The following LCOR variants were observed in gnomAD, a reference collection of about 807,000 sequenced individuals.
The protein encoded by LCOR is ligand-dependent corepressor.
LCOR carries 14 observed loss-of-function variants against 64.4 expected under a neutral mutation model. That is an observed-to-expected ratio of 0.22 (90% CI 0.14 to 0.34). The LOEUF (loss-of-function observed/expected upper bound fraction) is 0.34, where lower values mean the gene tolerates loss of function less well. LCOR is among the 10% of genes least tolerant of loss of function. The pLI is 1.00. For missense variants in LCOR, 1,686 were observed against 1,765.3 expected (o/e 0.96, Z 0.80); for synonymous variants, 643 against 642.5 (o/e 1.00, Z -0.01).
At chr10:96,941,230 G>A (rs1564632660) in intron 4 of LCOR, among the ~76,000 whole-genome samples, 18 of 138,726 alleles carry the variant, frequency 1.3e-4, no homozygotes, top group Non-Finnish European at 1.6e-5. Context: ...GGCTGGCCGG[G>A]CGGGGGGCTG....
chr10:96,955,947 G>T (rs532863252), intron 7 of LCOR: 1 of 1,593,328 alleles, frequency 6.3e-7, no homozygotes, highest in South Asian at 1.1e-5. Context: ...GCCAATTACT[G>T]TACAAACTGG....
At chr10:96,878,044 A>G (rs1846199956) in intron 2 of LCOR, among the ~76,000 whole-genome samples, 2 of 152,286 alleles carry the variant, frequency 1.3e-5, no homozygotes, top group African/African-American at 2.4e-5. Flanking sequence ...AGAGAGTACT[A>G]TTTTGCATCC....
In LCOR at chr10:96,880,992, A is replaced by C. The variant is rs563878587; in HGVS notation, c.-329-26273A>C. ...TTACATACAATGGATGTCTTAGTGC[A>C]TTTGAACTTAATTCTCTCAGACAGC... On this transcript the variant is annotated intron_variant, in intron 2 of 7. Transcript: ENST00000421806. Among the ~76,000 whole-genome samples, 3 of 152,364 alleles carry C rather than the reference A, an allele frequency of 2.0e-5. No homozygotes were observed. The South Asian group carries it at 6.2e-4, about 32-fold the overall frequency.
chr10:96,958,906 T>TAAAAAAAAAAAAAAAAAAAAAAAAAAAA (rs74784568), intron 7 of LCOR: 2 of 103,890 alleles, frequency 1.9e-5, no homozygotes, highest in Non-Finnish European at 2.2e-5. Context: ...AAGAAAAACT[T>TAAAAAAAAAAAAAAAAAAAAAAAAAAAA]AAAAAAAAAA....
chr10:96,907,802 C>A, intron 4 of LCOR, 55 bp downstream of exon 4: 3 of 522,138 alleles, frequency 5.7e-6, no homozygotes, highest in Non-Finnish European at 4.9e-6. Context: ...AAGTTTTCAT[C>A]TTTTAAAACA....
intron 4 of LCOR, among the ~76,000 whole-genome samples, chr10:96,921,523 A>G (rs980694617): frequency 6.6e-6 from 1 of 152,142 alleles, no homozygotes; most frequent in African/African-American, 2.4e-5. Flanking sequence ...GTACAGTGGC[A>G]CAATCTTGGC....
intron 4 of LCOR, among the ~76,000 whole-genome samples, chr10:96,909,874 CTG>C (rs141303312): frequency 1.6e-4 from 24 of 150,788 alleles, no homozygotes; most frequent in South Asian, 4.2e-4. Flanking sequence ...ATTTTAAACT[CTG>C]TGTGTGTGTG....
chr10:96,989,695 A>ATATATTTTT lies in LCOR; in HGVS notation c.*4562_*4563insATATTTTTT, dbSNP rs1371771053. On this transcript the variant is annotated 3_prime_UTR_variant, in exon 8 of 8. Transcript: ENST00000421806. ...TAAGGATATATATATATATATATAT[A>ATATATTTTT]TTTTTTTTTTTTTTTTTTTTTTTTA... The ATATATTTTT allele has an allele frequency of 2.3e-5, 2 of 86,188 alleles. No individual in the cohort carries two copies. The highest frequency in any genetic ancestry group is 1.2e-4 in the African/African-American group (2 of 16,156). The allele number at this position is 86,188 out of a possible 1,614,324, so 5.3% of individuals were successfully genotyped here.
At chr10:96,950,075 T>A (rs866698313) in intron 6 of LCOR, among the ~76,000 whole-genome samples, 3 of 152,202 alleles carry the variant, frequency 2.0e-5, no homozygotes, top group African/African-American at 7.2e-5. Context: ...CAGCCACTGT[T>A]TGAACCACTA....
rs1386409876 is a variant in LCOR at position 96,990,481 on chromosome 10, A to G, written c.*5347A>G. ...TTTGAGGCAGCCTTCAATATAATTC[A>G]TCCTTTGAAACATCAGAACAGAGTC... On this transcript the variant is annotated 3_prime_UTR_variant, in exon 8 of 8. Transcript: ENST00000421806. 6.6e-6 allele frequency: 1 copy of G among 151,930 alleles called. No homozygotes were observed. Among genetic ancestry groups the G allele is most frequent in the Non-Finnish European group, 1.5e-5 (1 of 68,004 alleles). The allele number at this position is 151,930 out of a possible 1,614,324, so 9.4% of individuals were successfully genotyped here. A position where few individuals can be genotyped will look rare whatever the true frequency, so the allele number is the denominator to read the frequency against.
chr10:96,922,058 T>C (rs1847090475), intron 4 of LCOR, among the ~76,000 whole-genome samples: 1 of 152,206 alleles, frequency 6.6e-6, no homozygotes, highest in Non-Finnish European at 1.5e-5. Flanking sequence ...TGGGATCTCT[T>C]GAAACTTCAG....
intron 2 of LCOR, among the ~76,000 whole-genome samples, chr10:96,898,671 T>TTGCA: frequency 6.6e-6 from 1 of 152,328 alleles, no homozygotes; most frequent in Non-Finnish European, 1.5e-5. Flanking sequence ...ATATTGGCCT[T>TTGCA]TGCAGTTTGG....
At chr10:96,919,878 TTTG>T (rs1168885829) in intron 4 of LCOR, among the ~76,000 whole-genome samples, 1 of 152,198 alleles carries the variant, frequency 6.6e-6, no homozygotes, top group Non-Finnish European at 1.5e-5. Context: ...TATATCCCAT[TTTG>T]TTCATCCATC....
intron 4 of LCOR, among the ~76,000 whole-genome samples, chr10:96,942,796 G>A (rs1847517686): frequency 6.6e-6 from 1 of 151,904 alleles, no homozygotes; most frequent in African/African-American, 2.4e-5. Context: ...CCTTTTCATT[G>A]TGCCAAGATA....
chr10:96,929,696 A>G (rs556636322), intron 4 of LCOR, among the ~76,000 whole-genome samples: 35 of 152,334 alleles, frequency 2.3e-4, no homozygotes, highest in African/African-American at 7.2e-4. Context: ...TTAGAGACCT[A>G]TGTTTTGACC....
intron 6 of LCOR, 108 bp from the exon 7 acceptor site, chr10:96,951,995 C>G: frequency 1.5e-6 from 1 of 684,622 alleles, no homozygotes; most frequent in East Asian, 2.6e-5. Context: ...ACTAGCATAT[C>G]TGCTTAGTTG....
intron 2 of LCOR, among the ~76,000 whole-genome samples, chr10:96,895,713 T>C (rs1434342541): frequency 6.6e-6 from 1 of 152,200 alleles, no homozygotes; most frequent in Non-Finnish European, 1.5e-5. Flanking sequence ...TATACCGTAC[T>C]TCATACCTTA....
intron 2 of LCOR, among the ~76,000 whole-genome samples, chr10:96,888,721 A>T (rs954363730): frequency 1.6e-4 from 24 of 152,202 alleles, no homozygotes; most frequent in Non-Finnish European, 2.9e-5. Flanking sequence ...GTACAGTTGT[A>T]TGAATTTTAC....
At chr10:96,848,821 T>C (rs980511735) in intron 2 of LCOR, among the ~76,000 whole-genome samples, 9 of 152,186 alleles carry the variant, frequency 5.9e-5, no homozygotes, top group Non-Finnish European at 1.0e-4. Context: ...AGGAATATTC[T>C]TTCAGGAATG....
Sources: allele counts gnomAD v4.1 joint callset (sites outside exome capture counted in the v4.1 genomes callset), GRCh38; gene constraint gnomAD v4.1.1; transcripts MANE v1.5; gene names NCBI Gene and HGNC (gene_info 2026-07-23, HGNC 2026-07-21).